OR51B5: variants seen among roughly 807,000 people sequenced by gnomAD.
The protein encoded by OR51B5 is olfactory receptor family 51 subfamily B member 5.
For missense variants in OR51B5, 456 were observed against 374.6 expected (o/e 1.22, Z -1.79); for synonymous variants, 186 against 144.8 (o/e 1.28, Z -2.04).
chr11:5,455,026 A>C (rs1056860059), intron 1 of OR51B5: 6 of 152,308 alleles, frequency 3.9e-5, no homozygotes, highest in Non-Finnish European at 8.8e-5. Context: ...ACATTGCTTT[A>C]ACTTCACAAA....
At chr11:5,444,336 A>G (rs1036006480) in intron 1 of OR51B5, among the ~76,000 whole-genome samples, 1 of 152,182 alleles carries the variant, frequency 6.6e-6, no homozygotes, top group Non-Finnish European at 1.5e-5. Context: ...TTTAAATAAG[A>G]AGTATAAAAT....
intron 1 of OR51B5, among the ~76,000 whole-genome samples, chr11:5,452,024 G>A (rs182152047): frequency 2.0e-4 from 30 of 152,266 alleles, no homozygotes; most frequent in African/African-American, 6.5e-4. Context: ...AAGCCATTAA[G>A]GGTTTAAAAA....
chr11:5,453,283 G>A (rs780150720), intron 1 of OR51B5: 25 of 418,242 alleles, frequency 6.0e-5, no homozygotes, highest in Non-Finnish European at 9.3e-5. Context: ...TCAGCCTGCA[G>A]GCTGATCATC....
intron 1 of OR51B5, among the ~76,000 whole-genome samples, chr11:5,394,944 C>G (rs1566272): frequency 0.54 from 81,405 of 151,928 alleles, 22,410 homozygotes; most frequent in African/African-American, 0.67. Context: ...CTCAAGGGGA[C>G]TTTTGTCTGG....
chr11:5,343,267 A>T, exon 1 of OR51B5: 1 of 1,613,302 alleles, frequency 6.2e-7, no homozygotes, highest in Non-Finnish European at 8.5e-7. Context: ...TCTCCCTGTG[A>T]TCCAGCCAGA....
chr11:5,446,085 T>A (rs1850757859), intron 1 of OR51B5, among the ~76,000 whole-genome samples: 1 of 151,980 alleles, frequency 6.6e-6, no homozygotes, highest in African/African-American at 2.4e-5. Flanking sequence ...AAGGGGAACA[T>A]CAGCCACTGG....
At chr11:5,451,147 A>C (rs1850841645) in intron 1 of OR51B5, among the ~76,000 whole-genome samples, 1 of 152,178 alleles carries the variant, frequency 6.6e-6, no homozygotes, top group African/African-American at 2.4e-5. Flanking sequence ...TCTCAGTATT[A>C]CTTTATTCCT....
At chr11:5,465,205 CAAAAAAAAAAAAA>C (rs34459420) in intron 1 of OR51B5, among the ~76,000 whole-genome samples, 8 of 45,428 alleles carry the variant, frequency 1.8e-4, no homozygotes, top group Non-Finnish European at 2.7e-4. Context: ...GACTCCGTCT[CAAAAAAAAAAAAA>C]AAAAAAAAAA....
chr11:5,457,271 T>G (rs1353856867), intron 1 of OR51B5, among the ~76,000 whole-genome samples: 1 of 152,228 alleles, frequency 6.6e-6, no homozygotes, highest in Non-Finnish European at 1.5e-5. Context: ...CCTAGGATAA[T>G]GGCCTCAAGC....
chr11:5,496,670 T>C (rs1272906902), intron 1 of OR51B5, among the ~76,000 whole-genome samples: 3 of 152,160 alleles, frequency 2.0e-5, no homozygotes, highest in South Asian at 2.1e-4. Flanking sequence ...TGTTTTTCAG[T>C]GCACCTTTGA....
chr11:5,452,606 T>C (rs555564155), intron 1 of OR51B5, among the ~76,000 whole-genome samples: 5 of 122,722 alleles, frequency 4.1e-5, no homozygotes, highest in Admixed American at 1.8e-4. Flanking sequence ...TATGGAGATA[T>C]GGAGAGAGTA....
intron 1 of OR51B5, among the ~76,000 whole-genome samples, chr11:5,420,165 A>T (rs1850309923): frequency 6.6e-6 from 1 of 152,034 alleles, no homozygotes; most frequent in South Asian, 2.1e-4. Flanking sequence ...AAATTATTTT[A>T]TCATTTACTA....
Position 5,343,198 on chromosome 11 carries a change from C to G in OR51B5, c.327G>C (p.Glu109Asp). The change falls in exon 1 of 1, where the codon GAG becomes GAC. Residue 109 changes from glutamate (E) to aspartate (D), a missense_variant. Glu to Asp is a conservative substitution (Grantham distance 45). Coordinates refer to ENST00000300773, the Ensembl canonical transcript of OR51B5. The stretch of plus-strand genomic sequence containing the variant: ...AGGCCATGGCAAGCAGAATGCCAGA[C>G]TCGAGAAAGGAAAGTGAGTGTATAA... 2 of 1,613,782 alleles carry G rather than the reference C, an allele frequency of 1.2e-6. No individual in the cohort carries two copies. The highest frequency in any genetic ancestry group is 1.7e-6 in the Non-Finnish European group (2 of 1,179,954).
At chr11:5,428,685 T>G (rs1318699295) in intron 1 of OR51B5, among the ~76,000 whole-genome samples, 1 of 152,260 alleles carries the variant, frequency 6.6e-6, no homozygotes, top group East Asian at 1.9e-4. Context: ...ACCATCTTGC[T>G]TCTAGCCTCA....
chr11:5,442,377 T>C (rs1219315188), intron 1 of OR51B5, among the ~76,000 whole-genome samples: 1 of 152,184 alleles, frequency 6.6e-6, no homozygotes, highest in African/African-American at 2.4e-5. Flanking sequence ...AGAAAGAGAT[T>C]TCTCTCCTTC....
intron 1 of OR51B5, among the ~76,000 whole-genome samples, chr11:5,429,270 T>A (rs1269894146): frequency 5.3e-5 from 8 of 152,158 alleles, no homozygotes; most frequent in Non-Finnish European, 1.2e-4. Flanking sequence ...CCATCTCCTG[T>A]GTGGCTAGTG....
At position 5,412,780 on chromosome 11, in the gene OR51B5, G is replaced by A. The variant is rs58543981; in HGVS notation, n.85-65870C>T. On this transcript the variant is annotated intron_variant and non_coding_transcript_variant, in intron 1 of 4. Transcript: ENST00000415970. ...GCCCAGGCTTGCTTAGGTAAACAAA[G>A]CAGCCGGGAAGCTCCAACTGGGTGG... Among the ~76,000 whole-genome samples the A allele has an allele frequency of 0.038, 5,709 of 151,418 alleles. 512 individuals carry two copies. The East Asian group carries it at 0.4, about 11-fold the overall frequency.
At chr11:5,430,762 A>C (rs778650615) in intron 1 of OR51B5, 1 of 457,212 alleles carries the variant, frequency 2.2e-6, no homozygotes. Flanking sequence ...CAAAAGGCAG[A>C]TGCTAGACAT....
intron 1 of OR51B5, among the ~76,000 whole-genome samples, chr11:5,425,334 C>A (rs1850431864): frequency 6.6e-6 from 1 of 152,116 alleles, no homozygotes; most frequent in South Asian, 2.1e-4. Context: ...GCACAGGCTA[C>A]CATAAATAAT....
Sources: gnomAD v4.1 joint callset for allele counts (sites outside exome capture counted in the v4.1 genomes callset) on GRCh38, gnomAD v4.1.1 for gene constraint, MANE v1.5 for transcripts, NCBI Gene and HGNC (gene_info 2026-07-23, HGNC 2026-07-21) for gene names.